Variants in TK2 observed in about 807,000 individuals in gnomAD.
TK2 encodes thymidine kinase 2.
TK2 carries 35 observed loss-of-function variants against 41.9 expected under a neutral mutation model. The observed-to-expected ratio is 0.84, with a 90% CI of 0.64 to 1.11. TK2 has a LOEUF of 1.11. Among genes scored for constraint, TK2 ranks in the 50% least tolerant of loss-of-function variants. The pLI is 0.00. For missense variants in TK2, 320 were observed against 351.1 expected (o/e 0.91, Z 0.71); for synonymous variants, 128 against 129.1 (o/e 0.99, Z 0.06).
rs1273809621 is a variant in TK2, at chr16:66,531,383, A to G, written c.372T>C (p.Pro124=). The G allele has an allele frequency of 9.9e-6, 16 of 1,614,208 alleles. No homozygotes were observed. The highest frequency in any genetic ancestry group is 1.7e-5 in the Admixed American group (1 of 60,030). Residue 124 remains proline (P), a synonymous_variant, in exon 5 of 10, where the codon CCT becomes CCC. Transcript: ENST00000544898. ...AAACTGAGCATCTGAAACCTACCTG[A>G]GGACGAGTATGCCTGTCCAGCATGG... ...QLTMLDRHTR[P]QVSSVRLMER...
intron 6 of TK2, among the ~76,000 whole-genome samples, chr16:66,521,304 C>T (rs1304450652): frequency 6.6e-6 from 1 of 152,206 alleles, no homozygotes; most frequent in Non-Finnish European, 1.5e-5. Flanking sequence ...ACTCCGGTGG[C>T]TCTGCCCCTG....
At chr16:66,520,299 T>C (rs1445580873) in intron 6 of TK2, among the ~76,000 whole-genome samples, 1 of 152,144 alleles carries the variant, frequency 6.6e-6, no homozygotes, top group African/African-American at 2.4e-5. Context: ...TCCTCTCCGC[T>C]TACCTCCTTA....
upstream of TK2, chr16:66,550,229 G>A (rs766411613): frequency 3.7e-6 from 6 of 1,607,588 alleles, no homozygotes; most frequent in Non-Finnish European, 2.5e-6. Context: ...GGAGAGGTTC[G>A]CCGCTGGCAG....
chr16:66,522,681 C>T (rs921080526), intron 6 of TK2, among the ~76,000 whole-genome samples: 5 of 152,026 alleles, frequency 3.3e-5, no homozygotes, highest in Admixed American at 2.6e-4. Flanking sequence ...AGCCTGACCA[C>T]CATGGAGAAA....
intron 5 of TK2, among the ~76,000 whole-genome samples, chr16:66,530,272 T>C (rs1050614536): frequency 2.6e-5 from 4 of 152,194 alleles, no homozygotes; most frequent in Non-Finnish European, 5.9e-5. Context: ...GCTGTGCCAG[T>C]GTTAACTGGC....
Position 66,522,604 on chromosome 16 carries a change from C to T in TK2, c.450-4727G>A, listed in dbSNP as rs144434068. ...GTCTTTGGCCAGACGCAATGGCTAACGCCTGTAATCCCAGCACTTTGGCAG... is the reference window on the plus strand; with the variant it reads ...GTCTTTGGCCAGACGCAATGGCTAATGCCTGTAATCCCAGCACTTTGGCAG... On this transcript the variant is annotated intron_variant, in intron 6 of 9. Transcript: ENST00000544898. Among the ~76,000 whole-genome samples, 350 of 152,334 alleles carry T rather than the reference C, an allele frequency of 2.3e-3. 2 individuals are homozygous for T. Among genetic ancestry groups the T allele is most frequent in the Non-Finnish European group, 3.5e-3 (237 of 68,028 alleles).
intron 6 of TK2, among the ~76,000 whole-genome samples, chr16:66,526,281 C>A (rs1964928207): frequency 6.6e-6 from 1 of 152,136 alleles, no homozygotes. Context: ...CAGAGATGGA[C>A]AAGAGGAATC....
chr16:66,548,892 T>C lies in TK2; in HGVS notation c.156+86A>G, dbSNP rs200226293. On this transcript the variant is annotated intron_variant, in intron 2 of 9. Coordinates refer to ENST00000544898, the MANE Select transcript of TK2 (RefSeq NM_004614.5). ...TATTTTTGCTTTTTACTATGGAATG[T>C]ATTTTTGCTTTTTACTCTGCTTTTT... is the stretch of plus-strand genomic sequence containing the variant. The C allele has an allele frequency of 9.1e-6, 12 of 1,321,756 alleles. No homozygotes were observed. In the East Asian group the frequency reaches 2.8e-4, roughly 30 times the overall value. 81.9% of individuals were successfully genotyped at this position (1,321,756 alleles called of 1,614,324 possible). A position where few individuals can be genotyped will look rare whatever the true frequency, so the allele number is the denominator to read the frequency against.
rs1964361523 is a variant in TK2, at chr16:66,508,686, G to A, written c.*3282C>T. On this transcript the variant is annotated 3_prime_UTR_variant, in exon 10 of 10. Coordinates refer to ENST00000544898, the MANE Select transcript of TK2 (RefSeq NM_004614.5). ...TTTAAATGGCACCACCGTCACTCGG[G>A]TCTAATGGTGCATGTCTGCAGGAAG... 6.6e-6 allele frequency: 1 copy of A among 152,240 alleles called. No individual in the cohort carries two copies. The highest frequency in any genetic ancestry group is 1.5e-5 in the Non-Finnish European group (1 of 68,054). 9.4% of individuals were successfully genotyped at this position (152,240 alleles called of 1,614,324 possible). A position where few individuals can be genotyped will look rare whatever the true frequency, so the allele number is the denominator to read the frequency against.
At chr16:66,542,375 G>GA (rs970043622) in intron 2 of TK2, among the ~76,000 whole-genome samples, 5 of 149,528 alleles carry the variant, frequency 3.3e-5, no homozygotes, top group East Asian at 1.9e-4. Context: ...CTGCTTTACA[G>GA]AAAAAAAAAG....
At chr16:66,519,944 CCTGT>C in intron 6 of TK2, among the ~76,000 whole-genome samples, 1 of 152,150 alleles carries the variant, frequency 6.6e-6, no homozygotes, top group East Asian at 1.9e-4. Flanking sequence ...CACAAGTAGC[CCTGT>C]CTTGGGGCCC....
intron 4 of TK2, among the ~76,000 whole-genome samples, chr16:66,532,129 C>CA (rs11334281): frequency 0.017 from 1,281 of 75,512 alleles, 4 homozygotes; most frequent in Non-Finnish European, 0.027. Context: ...TTGAAATGAC[C>CA]AAAAAAAAAA....
rs959038164 is a variant in TK2 at position 66,514,150 on chromosome 16, C to T, written c.619-339G>A. ...TCCCCCTCTCCCTCTCCCCTTTGCA[C>T]GGTTTCCCTCTGATGCCCAGCCGAG... On this transcript the variant is annotated intron_variant, in intron 8 of 9. Transcript: ENST00000544898. This position sits in a 1 kb window ranked among gnomAD's most constrained non-coding sequence, Gnocchi z 4.2. Among the ~76,000 whole-genome samples, 1 of 151,650 alleles carries T rather than the reference C, an allele frequency of 6.6e-6. No individual in the cohort carries two copies. Among genetic ancestry groups the T allele is most frequent in the African/African-American group, 2.4e-5 (1 of 41,276 alleles).
chr16:66,519,430 C>T (rs1303345295), intron 6 of TK2, among the ~76,000 whole-genome samples: 4 of 152,172 alleles, frequency 2.6e-5, no homozygotes, highest in African/African-American at 9.7e-5. Context: ...CCACCCGCCT[C>T]GGCCTCCCAA....
At chr16:66,520,693 C>T (rs1489142128) in intron 6 of TK2, among the ~76,000 whole-genome samples, 1 of 152,128 alleles carries the variant, frequency 6.6e-6, no homozygotes, top group Non-Finnish European at 1.5e-5. Context: ...TGCACAGTAG[C>T]AAAATGTAGA....
rs1597075163 is a variant in TK2 at position 66,514,555 on chromosome 16, G to A, written c.619-744C>T. On this transcript the variant is annotated intron_variant, in intron 8 of 9. Transcript: ENST00000544898. This position sits in a 1 kb window ranked among gnomAD's most constrained non-coding sequence, Gnocchi z 4.2. ...CCGGCTGCCACCCCGTCTAGGAAGTGAGGAGTGTCTCTGCCTGGCCGCCCA... is the reference window on the plus strand; with the variant it reads ...CCGGCTGCCACCCCGTCTAGGAAGTAAGGAGTGTCTCTGCCTGGCCGCCCA... Among the ~76,000 whole-genome samples the A allele has an allele frequency of 6.6e-6, 1 of 152,210 alleles. No individual in the cohort carries two copies. The highest frequency in any genetic ancestry group is 2.4e-5 in the African/African-American group (1 of 41,444).
chr16:66,538,101 T>G (rs1567537455), intron 3 of TK2, among the ~76,000 whole-genome samples: 5 of 152,114 alleles, frequency 3.3e-5, no homozygotes. Context: ...AGGCAAAGGT[T>G]GCAGTGAGCC....
intron 2 of TK2, among the ~76,000 whole-genome samples, chr16:66,544,620 G>A (rs999535070): frequency 2.6e-5 from 4 of 152,128 alleles, no homozygotes; most frequent in African/African-American, 9.7e-5. Context: ...GGCCGGCCTG[G>A]CCCAACACTC....
chr16:66,532,031 G>A (rs1444109879), intron 4 of TK2, among the ~76,000 whole-genome samples: 1 of 151,388 alleles, frequency 6.6e-6, no homozygotes. Flanking sequence ...CCTAGGTGAT[G>A]GGATCCATCA....
Sources: allele counts gnomAD v4.1 joint callset (sites outside exome capture counted in the v4.1 genomes callset), GRCh38; gene constraint gnomAD v4.1.1; non-coding constraint Gnocchi (gnomAD v3.1); transcripts MANE v1.5; gene names NCBI Gene and HGNC (gene_info 2026-07-23, HGNC 2026-07-21).